FAM120C: variants seen among roughly 807,000 people sequenced by gnomAD.
FAM120C encodes the protein family with sequence similarity 120 member C, also known as constitutive coactivator of PPAR-gamma-like protein 2.
Under a neutral mutation model 71.2 loss-of-function variants are expected in FAM120C, and 14 were observed. The observed-to-expected ratio is 0.20, with a 90% CI of 0.13 to 0.31. The LOEUF is 0.31. FAM120C is among the 10% of genes least tolerant of loss of function. FAM120C has a pLI of 1.00. For missense variants in FAM120C, 500 were observed against 879.0 expected, an observed-to-expected ratio of 0.57 and a Z score of 5.45; for synonymous variants, 354 against 353.2, an observed-to-expected ratio of 1.00 and a Z score of -0.03.
intron 4 of FAM120C, among the ~76,000 whole-genome samples, chrX:54,140,702 C>T (rs2067121341): frequency 9.2e-6 from 1 of 108,703 alleles, no homozygotes; most frequent in South Asian, 4.1e-4. Context: ...TCCTGTAATC[C>T]CAGCACTTTG....
intron 15 of FAM120C, among the ~76,000 whole-genome samples, chrX:54,079,797 C>CAA (rs374188582): frequency 7.0e-4 from 65 of 92,865 alleles, no homozygotes; most frequent in African/African-American, 2.4e-3. Context: ...AACTCCGTCT[C>CAA]AAAAAAAAAA....
At chrX:54,081,297 C>T in intron 14 of FAM120C, 25 bp downstream of exon 14, 1 of 1,195,307 alleles carries the variant, frequency 8.4e-7, no homozygotes, top group Non-Finnish European at 1.1e-6. Flanking sequence ...GGGACTAGCT[C>T]ATATCAACCT....
chrX:54,108,970 G>A (rs2066921351), intron 10 of FAM120C, among the ~76,000 whole-genome samples: 1 of 66,285 alleles, frequency 1.5e-5, no homozygotes, highest in African/African-American at 5.8e-5. Flanking sequence ...CCCTGCTGTG[G>A]TTGAATGTCC....
intron 15 of FAM120C, among the ~76,000 whole-genome samples, chrX:54,079,881 T>A (rs1268715356): frequency 8.9e-6 from 1 of 111,817 alleles, no homozygotes; most frequent in Non-Finnish European, 1.9e-5. Flanking sequence ...GCATATCTGG[T>A]GGCCCCTCAG....
intron 10 of FAM120C, among the ~76,000 whole-genome samples, chrX:54,111,900 T>C (rs2066939301): frequency 8.9e-6 from 1 of 112,017 alleles, no homozygotes; most frequent in Non-Finnish European, 1.9e-5. Flanking sequence ...AAGGCTATAG[T>C]AACTAAGAGA....
rs914257457 is a variant in FAM120C, at chrX:54,133,972, G to A, written c.1691C>T (p.Pro564Leu). ...PNRDRGSWAQ[P>L]VDTGVSEASL... is the part of the protein sequence containing the mutation. ...CGCTTCTGAAACTCCAGTATCAACA[G>A]GCTGTGCCCAGGACCCTCTGTCACG... The change falls in exon 8 of 16, where the codon CCT (proline) becomes CTT (leucine). Residue 564 changes from proline (P) to leucine (L), a missense_variant. Pro to Leu is a moderately conservative substitution (Grantham distance 98). Transcript: ENST00000375180. 1 of 1,211,674 alleles carries A rather than the reference G, an allele frequency of 8.3e-7. No homozygotes were observed. Among genetic ancestry groups the A allele is most frequent in the Non-Finnish European group, 1.1e-6 (1 of 895,388 alleles).
chrX:54,082,011 C>T (rs782062904), intron 13 of FAM120C, among the ~76,000 whole-genome samples: 35 of 107,994 alleles, frequency 3.2e-4, no homozygotes, highest in African/African-American at 1.0e-3. Context: ...GGGGAAACCT[C>T]GCCTCTACTA....
chrX:54,116,688 G>C lies in FAM120C; in HGVS notation c.2169C>G (p.Leu723=), dbSNP rs782633223. ...LTFREWTCPN[L]KKLWLGKAVE... is the part of the protein sequence containing the mutation. The stretch of plus-strand genomic sequence containing the variant: ...CTGCTTTGCCTAGCCAGAGCTTCTT[G>C]AGGTTTGGGCAAGTCCATTCCCGAA... Residue 723 remains leucine, a synonymous_variant, in exon 10 of 16, where the codon CTC becomes CTG. Coordinates refer to ENST00000375180, the MANE Select transcript of FAM120C (RefSeq NM_017848.6). 4.1e-6 allele frequency: 5 copies of C among 1,211,757 alleles called. No homozygotes were observed. The highest frequency in any genetic ancestry group is 2.2e-5 in the Admixed American group (1 of 45,963).
intron 1 of FAM120C, 130 bp downstream of exon 1, chrX:54,182,370 T>C: frequency 2.6e-6 from 2 of 777,969 alleles, no homozygotes; most frequent in Non-Finnish European, 3.6e-6. Context: ...GCAGGTAGGT[T>C]AGCTGTTGGG....
intron 10 of FAM120C, among the ~76,000 whole-genome samples, chrX:54,092,534 T>TG (rs1422342682): frequency 5.6e-5 from 6 of 106,455 alleles, no homozygotes; most frequent in East Asian, 3.0e-4. Flanking sequence ...GACAGAGTGG[T>TG]GGGGGGAGGG....
chrX:54,135,676 A>T (rs1037878743), intron 5 of FAM120C, 72 bp from the exon 6 acceptor site: 57 of 812,184 alleles, frequency 7.0e-5, no homozygotes, highest in Non-Finnish European at 9.2e-5. Flanking sequence ...TGCTCACCCC[A>T]TATCACCTGA....
At chrX:54,089,715 A>C (rs782454634) in intron 11 of FAM120C, among the ~76,000 whole-genome samples, 6 of 110,572 alleles carry the variant, frequency 5.4e-5, no homozygotes, top group Admixed American at 9.7e-5. Flanking sequence ...TAATCCCAGC[A>C]CTTTGGGAGG....
In FAM120C at chrX:54,182,987, GCA is replaced by G; in HGVS notation, c.210_211del (p.Ala71LeufsTer168). The G allele has an allele frequency of 8.6e-7, 1 of 1,161,036 alleles. No homozygotes were observed. Among genetic ancestry groups the G allele is most frequent in the Non-Finnish European group, 1.1e-6 (1 of 871,880 alleles). Reference sequence around the variant, plus strand: ...CGCGCCCCCGGAGTAGGCACCCAAGGCAGCGGGCGGAAGCGGCGGTTGCAGAG... The same window carrying G: ...CGCGCCCCCGGAGTAGGCACCCAAGGGCGGGCGGAAGCGGCGGTTGCAGAG... On this transcript the variant is annotated frameshift_variant, in exon 1 of 16. Coordinates refer to ENST00000375180, the MANE Select transcript of FAM120C (RefSeq NM_017848.6). LOFTEE classifies it high-confidence loss of function.
rs782738638 is a variant in FAM120C at position 54,129,594 on chromosome X, C to T, written c.2062+3098G>A. On this transcript the variant is annotated intron_variant, in intron 9 of 15. Coordinates refer to ENST00000375180, the MANE Select transcript of FAM120C (RefSeq NM_017848.6). ...CAGACGATGGGCGGCCAGGCAGAGA[C>T]GCTCCTCACTTCCCAGACGGGGTGG... Among the ~76,000 whole-genome samples the T allele has an allele frequency of 1.1e-4, 12 of 111,126 alleles. No individual in the cohort carries two copies. The South Asian group carries it at 4.1e-3, about 38-fold the overall frequency.
rs781982941 is a variant in FAM120C, at chrX:54,132,118, C to T, written c.2062+574G>A. ...TCACCCAGGCTGGAGTACAGTAACA[C>T]GATCAGGGCTCACTGCAGCCTTGAC... On this transcript the variant is annotated intron_variant, in intron 9 of 15. Transcript: ENST00000375180. Among the ~76,000 whole-genome samples, 39 of 110,304 alleles carry T rather than the reference C, an allele frequency of 3.5e-4. No homozygotes were observed. The South Asian group carries it at 0.014, about 39-fold the overall frequency.
At chrX:54,180,652 G>A (rs1019554724) in intron 1 of FAM120C, among the ~76,000 whole-genome samples, 8 of 111,997 alleles carry the variant, frequency 7.1e-5, no homozygotes, top group Non-Finnish European at 1.1e-4. Context: ...GTTGTTTAGA[G>A]TATGAGCTTT....
intron 14 of FAM120C, among the ~76,000 whole-genome samples, chrX:54,080,821 C>T (rs1028132726): frequency 1.2e-4 from 11 of 93,483 alleles, no homozygotes; most frequent in Non-Finnish European, 1.9e-4. Flanking sequence ...AAGACCACAC[C>T]ATTGCACTTT....
At chrX:54,136,661 G>T (rs999163660) in intron 4 of FAM120C, 71 bp from the exon 5 acceptor site, 103 of 729,549 alleles carry the variant, frequency 1.4e-4, no homozygotes, top group Non-Finnish European at 2.0e-4. Context: ...TTCATAATTT[G>T]GGAATCAAAA....
intron 4 of FAM120C, among the ~76,000 whole-genome samples, chrX:54,142,829 G>C (rs1557131845): frequency 8.9e-5 from 10 of 112,099 alleles, no homozygotes. Flanking sequence ...CTAACTGGGA[G>C]ACACCTCCCA....
Sources: gnomAD v4.1 joint callset for allele counts (sites outside exome capture counted in the v4.1 genomes callset) on GRCh38, gnomAD v4.1.1 for gene constraint, MANE v1.5 for transcripts, NCBI Gene and HGNC (gene_info 2026-07-23, HGNC 2026-07-21) for gene names.